Variants in ANKS1B observed in about 807,000 individuals in gnomAD.
The protein encoded by ANKS1B is ankyrin repeat and sterile alpha motif domain-containing protein 1B.
ANKS1B carries 36 observed loss-of-function variants against 148.3 expected under a neutral mutation model. That is an observed-to-expected ratio of 0.24 (90% confidence interval 0.19 to 0.32). The LOEUF (loss-of-function observed/expected upper bound fraction) is 0.32. Ranked by LOEUF, ANKS1B falls within the 10% of genes least tolerant of loss-of-function variation. The pLI is 1.00. For synonymous variants in ANKS1B, 542 were observed against 560.8 expected (o/e 0.97, Z 0.47); for missense variants, 1,157 against 1,542.6 (o/e 0.75, Z 4.19).
At chr12:99,077,381 G>C (rs552735982) in intron 16 of ANKS1B, among the ~76,000 whole-genome samples, 1 of 152,274 alleles carries the variant, frequency 6.6e-6, no homozygotes, top group African/African-American at 2.4e-5. Context: ...AAAAGAATGA[G>C]GGTAGATGGA....
chr12:98,765,638 T>A (rs967373912), intron 25 of ANKS1B, among the ~76,000 whole-genome samples: 14 of 151,920 alleles, frequency 9.2e-5, no homozygotes, highest in African/African-American at 3.4e-4. Flanking sequence ...CTCACTGTAC[T>A]CACTGTAACC....
intron 17 of ANKS1B, among the ~76,000 whole-genome samples, chr12:98,962,683 G>A (rs941592304): frequency 2.0e-5 from 3 of 152,060 alleles, no homozygotes; most frequent in African/African-American, 7.2e-5. Context: ...AGGATAGACT[G>A]TATGTTAGGC....
rs188171048 is a variant in ANKS1B at position 99,666,251 on chromosome 12, T to C, written c.1129-11041A>G. Among the ~76,000 whole-genome samples, 5 of 152,350 alleles carry C rather than the reference T, an allele frequency of 3.3e-5. No individual in the cohort carries two copies. The East Asian group carries it at 9.7e-4, about 29-fold the overall frequency. On this transcript the variant is annotated intron_variant, in intron 8 of 26. Transcript: ENST00000683438. ...AGAGAAACCTCCAAATTTGTTCTTC[T>C]TTGAAATTATTTTGGCTATTCTATG...
At chr12:99,521,875 A>C (rs2096878809) in intron 9 of ANKS1B, among the ~76,000 whole-genome samples, 1 of 152,084 alleles carries the variant, frequency 6.6e-6, no homozygotes, top group Non-Finnish European at 1.5e-5. Context: ...CACTGTAAAC[A>C]CTTTCTGGCT....
At chr12:98,915,771 A>G (rs1596829267) in intron 17 of ANKS1B, among the ~76,000 whole-genome samples, 1 of 152,240 alleles carries the variant, frequency 6.6e-6, no homozygotes, top group Non-Finnish European at 1.5e-5. Context: ...TAAACAAGTG[A>G]ATTAATCCTT....
chr12:99,839,401 C>T (rs1393092681), intron 1 of ANKS1B, among the ~76,000 whole-genome samples: 2 of 152,008 alleles, frequency 1.3e-5, no homozygotes, highest in Admixed American at 6.6e-5. Context: ...TTCATTAGAC[C>T]TGAGTTTCCC....
chr12:99,095,857 G>A (rs1019039568), intron 15 of ANKS1B, among the ~76,000 whole-genome samples: 4 of 152,112 alleles, frequency 2.6e-5, no homozygotes, highest in African/African-American at 4.8e-5. Flanking sequence ...TTGACTTAAC[G>A]TTGTGAATTT....
intron 17 of ANKS1B, among the ~76,000 whole-genome samples, chr12:98,994,029 TCTTA>T (rs1405721940): frequency 2.0e-5 from 3 of 152,202 alleles, no homozygotes; most frequent in African/African-American, 7.2e-5. Flanking sequence ...ATTAAAACAC[TCTTA>T]CTTTTACACA....
At chr12:99,384,549 A>C (rs762759875) in intron 12 of ANKS1B, among the ~76,000 whole-genome samples, 5 of 152,128 alleles carry the variant, frequency 3.3e-5, no homozygotes, top group Non-Finnish European at 5.9e-5. Flanking sequence ...TAAAGACTTA[A>C]GTAGGAATTT....
chr12:99,334,572 C>G (rs1210045150), intron 12 of ANKS1B, among the ~76,000 whole-genome samples: 2 of 151,988 alleles, frequency 1.3e-5, no homozygotes, highest in African/African-American at 2.4e-5. Context: ...ATGCCCAGTT[C>G]CAAATGCACA....
chr12:99,296,071 T>G (rs1051451636), intron 12 of ANKS1B, among the ~76,000 whole-genome samples: 2 of 152,194 alleles, frequency 1.3e-5, no homozygotes, highest in African/African-American at 4.8e-5. Flanking sequence ...ATATCCAATT[T>G]TTCCAGAAAA....
chr12:99,903,657 A>AAAATAGTATC (rs1404825497), intron 1 of ANKS1B, among the ~76,000 whole-genome samples: 1 of 152,204 alleles, frequency 6.6e-6, no homozygotes, highest in Non-Finnish European at 1.5e-5. Flanking sequence ...CAATGTATCC[A>AAAATAGTATC]AAATAGTATC....
At chr12:99,423,012 T>G (rs2095139183) in intron 11 of ANKS1B, among the ~76,000 whole-genome samples, 1 of 152,182 alleles carries the variant, frequency 6.6e-6, no homozygotes, top group South Asian at 2.1e-4. Context: ...AGTATTGAGG[T>G]AATTCCTTGT....
At chr12:99,867,049 C>G (rs1391933139) in intron 1 of ANKS1B, among the ~76,000 whole-genome samples, 2 of 152,140 alleles carry the variant, frequency 1.3e-5, no homozygotes, top group East Asian at 3.8e-4. Flanking sequence ...AGTAATCTCA[C>G]AGTAATTTAA....
intron 17 of ANKS1B, among the ~76,000 whole-genome samples, chr12:98,846,889 A>G (rs2099477412): frequency 6.6e-6 from 1 of 152,230 alleles, no homozygotes; most frequent in Non-Finnish European, 1.5e-5. Context: ...TACTTAGCAC[A>G]TTGTGTGAAA....
intron 15 of ANKS1B, among the ~76,000 whole-genome samples, chr12:99,106,495 T>C (rs377388776): frequency 1.3e-5 from 2 of 152,260 alleles, no homozygotes; most frequent in East Asian, 3.8e-4. Flanking sequence ...TAAGCTTATA[T>C]ACTCATACAA....
intron 9 of ANKS1B, among the ~76,000 whole-genome samples, chr12:99,559,312 T>C (rs2097308839): frequency 1.3e-5 from 2 of 152,220 alleles, no homozygotes; most frequent in Admixed American, 1.3e-4. Flanking sequence ...GCTTAGATTT[T>C]TAAATCAGTG....
At chr12:99,873,327 T>C (rs934702146) in intron 1 of ANKS1B, among the ~76,000 whole-genome samples, 1 of 152,210 alleles carries the variant, frequency 6.6e-6, no homozygotes, top group African/African-American at 2.4e-5. Flanking sequence ...GATATCAGTA[T>C]ATGAAGTCTT....
At chr12:99,602,618 G>C (rs1213933157) in intron 9 of ANKS1B, among the ~76,000 whole-genome samples, 1 of 152,044 alleles carries the variant, frequency 6.6e-6, no homozygotes, top group African/African-American at 2.4e-5. Context: ...AATCTATACA[G>C]CAACAGGCAT....
Sources: allele counts gnomAD v4.1 joint callset (sites outside exome capture counted in the v4.1 genomes callset), GRCh38; gene constraint gnomAD v4.1.1; transcripts MANE v1.5; gene names NCBI Gene and HGNC (gene_info 2026-07-23, HGNC 2026-07-21).